Variants in CHI3L1 observed in about 807,000 individuals in gnomAD.
The protein encoded by CHI3L1 is chitinase 3 like 1.
CHI3L1 carries 30 observed loss-of-function variants against 40.7 expected under a neutral mutation model. That is an observed-to-expected ratio of 0.74 (90% CI 0.55 to 1.00). CHI3L1 has a LOEUF of 1.00. Among genes scored for constraint, CHI3L1 ranks in the 50% least tolerant of loss-of-function variants. The probability of loss-of-function intolerance (pLI) is 0.00; values close to 1 mark genes in which losing one functional copy is unlikely to be tolerated. For missense variants in CHI3L1, 493 were observed against 492.2 expected (o/e 1.00, Z -0.01); for synonymous variants, 210 against 192.1 (o/e 1.09, Z -0.77).
chr1:203,182,729 A>G lies in CHI3L1; in HGVS notation c.587+2T>C. On this transcript the variant is annotated splice_donor_variant, in intron 6 of 9. Coordinates refer to ENST00000255409, the MANE Select transcript of CHI3L1 (RefSeq NM_001276.4). LOFTEE classifies it high-confidence loss of function. ...GGAGGCTGCCTGGGGCAGGAGACTC[A>G]CTGGGATATCTTGGCAATGTCATAG... is the stretch of plus-strand genomic sequence containing the variant. 1 of 1,613,932 alleles carries G rather than the reference A, an allele frequency of 6.2e-7. No individual in the cohort carries two copies.
In CHI3L1 at chr1:203,180,670, G is replaced by C; in HGVS notation, c.712-18C>G. 6.6e-7 allele frequency: 1 copy of C among 1,507,344 alleles called. No individual in the cohort carries two copies. Among genetic ancestry groups the C allele is most frequent in the Non-Finnish European group, 9.1e-7 (1 of 1,101,318 alleles). 93.4% of individuals were successfully genotyped at this position (1,507,344 alleles called of 1,614,324 possible). A position where few individuals can be genotyped will look rare whatever the true frequency, so the allele number is the denominator to read the frequency against. On this transcript the variant is annotated intron_variant, in intron 7 of 9. Transcript: ENST00000255409. ...GCATAGTCCTGGGTGGGGTAGGGTG[G>C]GAACAACGTGAGCAGTTAGTGCACA...
At position 203,179,074 on chromosome 1, in the gene CHI3L1, G is replaced by C. The variant is rs79819896; in HGVS notation, c.*371C>G. The C allele has an allele frequency of 3.3e-3, 603 of 180,242 alleles. 1 individual carries two copies. The highest frequency in any genetic ancestry group is 0.014 in the African/African-American group (584 of 42,512). 11.2% of individuals were successfully genotyped at this position (180,242 alleles called of 1,614,324 possible). A position where few individuals can be genotyped will look rare whatever the true frequency, so the allele number is the denominator to read the frequency against. Reference sequence around the variant, plus strand: ...TTAGTATGGTCACTGTGTCTTGTAGGATGTTTGGCTCCTTGGTGATAGAGC... The same window carrying C: ...TTAGTATGGTCACTGTGTCTTGTAGCATGTTTGGCTCCTTGGTGATAGAGC... On this transcript the variant is annotated 3_prime_UTR_variant, in exon 10 of 10. Transcript: ENST00000255409.
Position 203,179,446 on chromosome 1 carries a change from TA to T in CHI3L1, c.1150del (p.Ter384SerfsTer53), listed in dbSNP as rs768249525. ...NAIKDALAAT[*>X] ...CCGTGCTGTGTGCAGAACAGAGGGC[TA>T]CGTTGCAGCGAGTGCATCCTTGATG... On this transcript the variant is annotated frameshift_variant and stop_lost, in exon 10 of 10. Coordinates refer to ENST00000255409, the MANE Select transcript of CHI3L1 (RefSeq NM_001276.4). LOFTEE classifies it high-confidence loss of function. The T allele has an allele frequency of 4.6e-6, 7 of 1,533,966 alleles. No homozygotes were observed. In the East Asian group the frequency reaches 6.8e-5, roughly 15 times the overall value.
chr1:203,179,739 G>A (rs758785010), intron 9 of CHI3L1, 22 bp downstream of exon 9: 2 of 1,614,066 alleles, frequency 1.2e-6, no homozygotes, highest in Non-Finnish European at 8.5e-7. Context: ...TTGTCCTGAG[G>A]TGTGGCCTTG....
intron 4 of CHI3L1, 76 bp downstream of exon 4, chr1:203,184,500 T>C (rs1194725279): frequency 8.3e-7 from 1 of 1,206,636 alleles, no homozygotes; most frequent in East Asian, 2.3e-5. Flanking sequence ...ATCCATACAG[T>C]GGATGCGGGA....
In CHI3L1 at chr1:203,181,192, C is replaced by T. The variant is rs1038724652; in HGVS notation, c.681G>A (p.Glu227=). The stretch of plus-strand genomic sequence containing the variant: ...TGCTGAATCTGTCAGGACTTGCATC[C>T]TCCTGACCTCGGAACAGGGGACTGT... ...GHHSPLFRGQ[E]DASPDRFSNT... Residue 227 remains glutamate, a synonymous_variant, in exon 7 of 10, where the codon GAG becomes GAA. Coordinates refer to ENST00000255409, the MANE Select transcript of CHI3L1 (RefSeq NM_001276.4). 5.0e-6 allele frequency: 8 copies of T among 1,614,208 alleles called. No individual in the cohort carries two copies. The highest frequency in any genetic ancestry group is 6.8e-6 in the Non-Finnish European group (8 of 1,180,024).
chr1:203,183,173 G>A (rs1372427159), intron 5 of CHI3L1, among the ~76,000 whole-genome samples: 1 of 152,186 alleles, frequency 6.6e-6, no homozygotes, highest in Non-Finnish European at 1.5e-5. Flanking sequence ...CTTTCGGTCT[G>A]TGCTTTGTTC....
At chr1:203,186,427 AC>A (rs1656056827) in intron 1 of CHI3L1, 82 bp from the exon 2 acceptor site, 1 of 740,530 alleles carries the variant, frequency 1.4e-6, no homozygotes, top group African/African-American at 3.8e-5. Flanking sequence ...ACTGAGACCC[AC>A]CTCCCCCACC....
rs377668825 is a variant in CHI3L1 at position 203,179,476 on chromosome 1, T to C, written c.1121A>G (p.Asn374Ser). ...TGCAGCGAGTGCATCCTTGATGGCA[T>C]TGGTGAGAGGGAAGCGCAGATCCTG... Reference protein sequence around the residue: ...CGQDLRFPLTNAIKDALAAT With the variant: ...CGQDLRFPLTSAIKDALAAT The change falls in exon 10 of 10, where the codon AAT becomes AGT. Residue 374 changes from asparagine (N) to serine (S), a missense_variant. Asn to Ser is a conservative substitution (Grantham distance 46). Coordinates refer to ENST00000255409, the MANE Select transcript of CHI3L1 (RefSeq NM_001276.4). 3.9e-6 allele frequency: 6 copies of C among 1,554,180 alleles called. No individual in the cohort carries two copies. The highest frequency in any genetic ancestry group is 2.3e-5 in the East Asian group (1 of 44,228).
rs888043182 is a variant in CHI3L1, at chr1:203,184,719, G to T, written c.258-87C>A. The T allele has an allele frequency of 4.3e-6, 5 of 1,169,908 alleles. No homozygotes were observed. The African/African-American group carries it at 4.5e-5, about 11-fold the overall frequency. 72.5% of individuals were successfully genotyped at this position (1,169,908 alleles called of 1,614,324 possible). ...GCCCCATGTCTGAGAGGCCATAGAAGGTTTCCTGCTTTGGGTGAGAGGCTG... is the reference window on the plus strand; with the variant it reads ...GCCCCATGTCTGAGAGGCCATAGAATGTTTCCTGCTTTGGGTGAGAGGCTG... On this transcript the variant is annotated intron_variant, in intron 3 of 9. Transcript: ENST00000255409.
At chr1:203,181,019 C>A (rs1419917580) in intron 7 of CHI3L1, 143 bp downstream of exon 7, 92 of 1,160,646 alleles carry the variant, frequency 7.9e-5, no homozygotes, top group Non-Finnish European at 1.1e-4. Context: ...GACTTTGGGC[C>A]TCAGTTTCCT....
rs188135774 is a variant in CHI3L1 at position 203,184,159 on chromosome 1, A to C, written c.315-368T>G. ...AGTACCCAGCACATGGGTGCCAACG[A>C]TGGCCATAACCACCCCCATTTCAAG... On this transcript the variant is annotated intron_variant, in intron 4 of 9. Coordinates refer to ENST00000255409, the MANE Select transcript of CHI3L1 (RefSeq NM_001276.4). 3.5e-4 allele frequency among the ~76,000 whole-genome samples: 54 copies of C among 152,268 alleles called. No homozygotes were observed. The East Asian group carries it at 0.01, about 29-fold the overall frequency.
chr1:203,182,958 AACCT>A, intron 5 of CHI3L1, 106 bp from the exon 6 acceptor site: 6 of 1,193,950 alleles, frequency 5.0e-6, no homozygotes, highest in Non-Finnish European at 7.2e-6. Flanking sequence ...TGTACTCCCC[AACCT>A]GCCTGGGGCC....
chr1:203,184,805 G>C (rs1656021521), intron 3 of CHI3L1, among the ~76,000 whole-genome samples, 173 bp from the exon 4 acceptor site: 1 of 152,124 alleles, frequency 6.6e-6, no homozygotes, highest in Non-Finnish European at 1.5e-5. Context: ...ATTCATAGTG[G>C]TGGATCTCTG....
At chr1:203,180,413 C>T (rs1034872007) in intron 8 of CHI3L1, 57 bp downstream of exon 8, 10 of 1,425,410 alleles carry the variant, frequency 7.0e-6, no homozygotes, top group African/African-American at 1.5e-5. Flanking sequence ...GGGGAATCAC[C>T]TTCCCCAGGG....
At position 203,179,890 on chromosome 1, in the gene CHI3L1, C is replaced by T. The variant is rs2102199535; in HGVS notation, c.895-13G>A. On this transcript the variant is annotated splice_polypyrimidine_tract_variant and intron_variant, in intron 8 of 9. Coordinates refer to ENST00000255409, the MANE Select transcript of CHI3L1 (RefSeq NM_001276.4). ...GGAAGTCACAGATCTGAGCAGATAA[C>T]AGGGAAAAGGCAGTGTGGGGAGTCG... The T allele has an allele frequency of 6.2e-7, 1 of 1,613,036 alleles. No homozygotes were observed. Among genetic ancestry groups the T allele is most frequent in the Non-Finnish European group, 8.5e-7 (1 of 1,179,116 alleles).
chr1:203,183,834 G>A (rs754756633), intron 4 of CHI3L1, 43 bp from the exon 5 acceptor site: 2 of 1,610,506 alleles, frequency 1.2e-6, no homozygotes, highest in South Asian at 1.1e-5. Flanking sequence ...GCACTGATAT[G>A]CTAGGTGCCT....
chr1:203,186,698 G>T lies in CHI3L1; in HGVS notation c.-75C>A. 6.4e-7 allele frequency: 1 copy of T among 1,565,618 alleles called. No homozygotes were observed. Among genetic ancestry groups the T allele is most frequent in the Non-Finnish European group, 8.8e-7 (1 of 1,137,168 alleles). ...GCTCCTGGTGCCAGCTACCTAGACA[G>T]GGCCTCTTCCCCAGGCCCTGTACTT... On this transcript the variant is annotated 5_prime_UTR_variant, in exon 1 of 10. In the 5' UTR this introduces an upstream ATG that the reference lacks. Coordinates refer to ENST00000255409, the MANE Select transcript of CHI3L1 (RefSeq NM_001276.4).
rs972958329 is a variant in CHI3L1 at position 203,183,854 on chromosome 1, G to A, written c.315-63C>T. 2.5e-6 allele frequency: 4 copies of A among 1,589,182 alleles called. No individual in the cohort carries two copies. The African/African-American group carries it at 5.4e-5, about 21-fold the overall frequency. ...GATATGCTAGGTGCCTTGGGCCTCT[G>A]GTGGGGTTTCCAGGACCTGCAGAGC... On this transcript the variant is annotated intron_variant, in intron 4 of 9. Coordinates refer to ENST00000255409, the MANE Select transcript of CHI3L1 (RefSeq NM_001276.4).
Sources: gnomAD v4.1 joint callset for allele counts (sites outside exome capture counted in the v4.1 genomes callset) on GRCh38, gnomAD v4.1.1 for gene constraint, MANE v1.5 for transcripts, NCBI Gene and HGNC (gene_info 2026-07-23, HGNC 2026-07-21) for gene names.